HACD2: variants seen among roughly 807,000 people sequenced by gnomAD.
HACD2 encodes very-long-chain (3R)-3-hydroxyacyl-CoA dehydratase 2.
A neutral mutation model predicts 31.0 loss-of-function variants in HACD2; 15 were observed. The observed-to-expected ratio is 0.48, with a 90% confidence interval of 0.32 to 0.75. The LOEUF (loss-of-function observed/expected upper bound fraction) is 0.75, where lower values mean the gene tolerates loss of function less well. HACD2 is among the 30% of genes least tolerant of loss of function. HACD2 has a pLI of 0.03. For missense variants in HACD2, 283 were observed against 313.0 expected, an observed-to-expected ratio of 0.90 and a Z score of 0.72; for synonymous variants, 115 against 122.2, an observed-to-expected ratio of 0.94 and a Z score of 0.39.
chr3:123,580,528 A>C (rs1348508061), intron 2 of HACD2, among the ~76,000 whole-genome samples: 3 of 152,106 alleles, frequency 2.0e-5, no homozygotes, highest in Non-Finnish European at 2.9e-5. Flanking sequence ...TCACGCCTGT[A>C]ATCTCAGTGC....
chr3:123,514,824 A>C (rs1289899801), intron 4 of HACD2, among the ~76,000 whole-genome samples: 1 of 152,230 alleles, frequency 6.6e-6, no homozygotes, highest in African/African-American at 2.4e-5. Flanking sequence ...TCCCATTAGC[A>C]GGGCTAATTA....
At chr3:123,567,632 A>T (rs1469030798) in intron 3 of HACD2, 130 bp downstream of exon 3, 2 of 574,806 alleles carry the variant, frequency 3.5e-6, no homozygotes, top group Non-Finnish European at 5.7e-6. Flanking sequence ...TAATTTCAGC[A>T]ATTTCATACA....
At chr3:123,563,369 A>G (rs2056755019) in intron 3 of HACD2, among the ~76,000 whole-genome samples, 2 of 152,314 alleles carry the variant, frequency 1.3e-5, no homozygotes, top group South Asian at 2.1e-4. Context: ...CACAGCGCAG[A>G]TGAGCATGGA....
chr3:123,557,342 C>T (rs1456905643), intron 3 of HACD2, among the ~76,000 whole-genome samples: 1 of 152,206 alleles, frequency 6.6e-6, no homozygotes, highest in Non-Finnish European at 1.5e-5. Context: ...GAAAAAATGT[C>T]TTTCACGAAA....
At chr3:123,497,110 G>A (rs2055842723) in intron 6 of HACD2, among the ~76,000 whole-genome samples, 1 of 152,178 alleles carries the variant, frequency 6.6e-6, no homozygotes. Context: ...GTGGCTTCTG[G>A]CTGACCAGAA....
chr3:123,559,393 T>G (rs987429555), intron 3 of HACD2, among the ~76,000 whole-genome samples: 1 of 152,244 alleles, frequency 6.6e-6, no homozygotes, highest in Non-Finnish European at 1.5e-5. Flanking sequence ...TTCCAAACAC[T>G]CATACTTTGG....
chr3:123,503,678 G>C (rs1448188577), intron 4 of HACD2, among the ~76,000 whole-genome samples: 3 of 140,012 alleles, frequency 2.1e-5, no homozygotes, highest in Non-Finnish European at 4.5e-5. Context: ...AAACACCCTT[G>C]CACCCCAATT....
At chr3:123,498,495 C>A (rs62262454) in intron 6 of HACD2, among the ~76,000 whole-genome samples, 79,500 of 151,700 alleles carry the variant, frequency 0.52, 24,364 homozygotes, top group Non-Finnish European at 0.69. Context: ...ACTGCCTGAG[C>A]TCTGCCTCCT....
intron 3 of HACD2, among the ~76,000 whole-genome samples, chr3:123,539,391 G>A (rs1026715450): frequency 6.6e-6 from 1 of 151,808 alleles, no homozygotes; most frequent in Non-Finnish European, 1.5e-5. Context: ...CCAACGTGGT[G>A]AAACCCCATT....
intron 3 of HACD2, among the ~76,000 whole-genome samples, chr3:123,551,940 A>G (rs527867126): frequency 1.3e-5 from 2 of 152,346 alleles, no homozygotes; most frequent in Non-Finnish European, 2.9e-5. Context: ...CAAACCTCAC[A>G]TCTTCAGCAC....
At chr3:123,540,387 T>C (rs2056475484) in intron 3 of HACD2, among the ~76,000 whole-genome samples, 2 of 152,224 alleles carry the variant, frequency 1.3e-5, no homozygotes, top group Admixed American at 1.3e-4. Context: ...ATTCAGAGCC[T>C]CCTCACTTGC....
At chr3:123,520,356 A>G (rs761545605) in intron 4 of HACD2, among the ~76,000 whole-genome samples, 22 of 152,222 alleles carry the variant, frequency 1.4e-4, no homozygotes, top group Non-Finnish European at 2.4e-4. Context: ...ATTGCCTAAA[A>G]TCAAGAGAAT....
intron 6 of HACD2, 54 bp from the exon 7 acceptor site, chr3:123,495,024 T>A: frequency 9.3e-7 from 1 of 1,075,668 alleles, no homozygotes; most frequent in Non-Finnish European, 1.4e-6. Flanking sequence ...GCATATGCTC[T>A]ATTTAAAGCA....
chr3:123,526,390 T>C (rs2056284060), intron 4 of HACD2, among the ~76,000 whole-genome samples: 1 of 152,214 alleles, frequency 6.6e-6, no homozygotes, highest in African/African-American at 2.4e-5. Context: ...TGAAGTCCAA[T>C]TACAAGTGAA....
At chr3:123,553,484 A>G (rs2056641030) in intron 3 of HACD2, among the ~76,000 whole-genome samples, 1 of 152,266 alleles carries the variant, frequency 6.6e-6, no homozygotes. Context: ...TTTTGGGGAC[A>G]GGCATTCTGC....
intron 4 of HACD2, among the ~76,000 whole-genome samples, chr3:123,515,713 C>T (rs1446212783): frequency 6.6e-6 from 1 of 151,788 alleles, no homozygotes; most frequent in Admixed American, 6.6e-5. Flanking sequence ...TAGATACACA[C>T]ATGGTGGTTT....
intron 3 of HACD2, among the ~76,000 whole-genome samples, chr3:123,547,175 A>G (rs1285735317): frequency 6.6e-6 from 1 of 152,208 alleles, no homozygotes; most frequent in Admixed American, 6.5e-5. Flanking sequence ...TTGCCCTTTA[A>G]TAAATAATTT....
chr3:123,567,847 A>AT, intron 2 of HACD2, 67 bp from the exon 3 acceptor site: 1 of 1,054,798 alleles, frequency 9.5e-7, no homozygotes, highest in South Asian at 1.8e-5. Flanking sequence ...TTTATTTCAT[A>AT]TAAACTAATG....
At chr3:123,516,019 CAGA>C (rs768907760) in intron 4 of HACD2, among the ~76,000 whole-genome samples, 2 of 152,210 alleles carry the variant, frequency 1.3e-5, no homozygotes. Flanking sequence ...CTTGGCTTCC[CAGA>C]GTGCTGGGAT....
Sources: allele counts gnomAD v4.1 joint callset (sites outside exome capture counted in the v4.1 genomes callset), GRCh38; gene constraint gnomAD v4.1.1; transcripts MANE v1.5; gene names NCBI Gene and HGNC (gene_info 2026-07-23, HGNC 2026-07-21).